The following DNAH2 variants were observed in gnomAD, a reference collection of about 807,000 sequenced individuals.
The protein encoded by DNAH2 is dynein axonemal heavy chain 2, also known as axonemal beta dynein heavy chain 2.
DNAH2 carries 323 observed loss-of-function variants against 523.5 expected under a neutral mutation model. That is an observed-to-expected ratio of 0.62 (90% CI 0.56 to 0.68). The LOEUF (loss-of-function observed/expected upper bound fraction) is 0.68, where lower values mean the gene tolerates loss of function less well. Ranked by LOEUF, DNAH2 falls within the 30% of genes least tolerant of loss-of-function variation. The probability of loss-of-function intolerance (pLI) is 0.00; values close to 1 mark genes in which losing one functional copy is unlikely to be tolerated. For missense variants in DNAH2, 4,907 were observed against 5,701.5 expected (o/e 0.86, Z 4.49); for synonymous variants, 2,093 against 2,177.4 (o/e 0.96, Z 1.08).
At chr17:7,744,634 A>C (rs911792498) in intron 12 of DNAH2, among the ~76,000 whole-genome samples, 16 of 152,176 alleles carry the variant, frequency 1.1e-4, no homozygotes, top group African/African-American at 3.9e-4. Context: ...AAAGGCTTCG[A>C]GTAGTGAGAG....
In DNAH2 at chr17:7,768,217, G is replaced by A; in HGVS notation, c.3891G>A (p.Lys1297=). The A allele has an allele frequency of 6.2e-7, 1 of 1,614,178 alleles. No homozygotes were observed. Among genetic ancestry groups the A allele is most frequent in the Non-Finnish European group, 8.5e-7 (1 of 1,180,034 alleles). ...CTCGCTCAAAAATAGAGCAGTTCAA[G>A]AGGACCATGCCTCTCATCTCAGACC... The part of the protein sequence containing the change: ...ETTRSKIEQF[K]RTMPLISDLR... The change falls in exon 24 of 86, where the codon AAG becomes AAA. Residue 1297 remains lysine (K), a synonymous_variant. Transcript: ENST00000572933.
chr17:7,778,158 G>A lies in DNAH2; in HGVS notation c.5329G>A (p.Val1777Ile), dbSNP rs577925267. The change falls in exon 34 of 86, where the codon GTC becomes ATC. Residue 1777 changes from valine to isoleucine, a missense_variant. Coordinates refer to ENST00000572933, the MANE Select transcript of DNAH2 (RefSeq NM_020877.5). Reference sequence around the variant, plus strand: ...GTACTTGGGTAACTCGGGCCGGCTCGTCATCACCCCCCTGACGGACAGGTC... The same window carrying A: ...GTACTTGGGTAACTCGGGCCGGCTCATCATCACCCCCCTGACGGACAGGTC... ...YEYLGNSGRL[V>I]ITPLTDRCYM... 5 of 1,614,160 alleles carry A rather than the reference G, an allele frequency of 3.1e-6. No individual in the cohort carries two copies. The South Asian group carries it at 3.3e-5, about 11-fold the overall frequency.
Position 7,781,060 on chromosome 17 carries a change from A to T in DNAH2, c.6022A>T (p.Arg2008Ter). 6.2e-7 allele frequency: 1 copy of T among 1,614,182 alleles called. No homozygotes were observed. Among genetic ancestry groups the T allele is most frequent in the Non-Finnish European group, 8.5e-7 (1 of 1,180,038 alleles). ...CATTCAGGTTCTGCTGCTCTCAATG[A>T]GAGATATGAACATCGCCAAGCTCAC... ...TDEEVLLLSMRDMNIAKLTSV... is the reference protein window; with the variant it reads ...TDEEVLLLSM The change falls in exon 39 of 86, where the codon AGA becomes TGA. Residue 2008 changes from arginine (R) to a stop codon, truncating the protein, a stop_gained. Coordinates refer to ENST00000572933, the MANE Select transcript of DNAH2 (RefSeq NM_020877.5). LOFTEE classifies it high-confidence loss of function.
intron 49 of DNAH2, among the ~76,000 whole-genome samples, chr17:7,795,277 T>C (rs1261072961): frequency 6.6e-6 from 1 of 152,174 alleles, no homozygotes; most frequent in Non-Finnish European, 1.5e-5. Context: ...TAAGCCATAT[T>C]GGAGCCTAAG....
At chr17:7,727,332 G>C in intron 4 of DNAH2, 40 bp downstream of exon 4, 1 of 1,572,054 alleles carries the variant, frequency 6.4e-7, no homozygotes, top group Non-Finnish European at 8.6e-7. Flanking sequence ...TGGTCCTACA[G>C]AGAGCCGAGG....
chr17:7,800,846 G>A (rs1273774071), intron 56 of DNAH2, among the ~76,000 whole-genome samples: 5 of 146,650 alleles, frequency 3.4e-5, no homozygotes, highest in African/African-American at 5.0e-5. Flanking sequence ...CAGCCTGGGC[G>A]AGAGTGAAAG....
chr17:7,763,391 C>A (rs142494794), intron 18 of DNAH2, among the ~76,000 whole-genome samples: 2 of 152,150 alleles, frequency 1.3e-5, no homozygotes, highest in East Asian at 3.9e-4. Flanking sequence ...CGTGATCTGC[C>A]GGCCTCGGCC....
Position 7,764,255 on chromosome 17 carries a change from G to A in DNAH2, c.3318G>A (p.Glu1106=). ...HEQFAILEKY[E]VPVEDSVLEM... ...AATTTGCCATTCTTGAAAAGTACGAGGTGCCAGTCGAGGACAGTGTGAGTT... is the reference window on the plus strand; with the variant it reads ...AATTTGCCATTCTTGAAAAGTACGAAGTGCCAGTCGAGGACAGTGTGAGTT... The change falls in exon 20 of 86, where the codon GAG becomes GAA. Residue 1106 remains glutamate, a synonymous_variant. Transcript: ENST00000572933. 1 of 1,609,496 alleles carries A rather than the reference G, an allele frequency of 6.2e-7. No homozygotes were observed.
In DNAH2 at chr17:7,738,711, A is replaced by G. The variant is rs539023583; in HGVS notation, c.1171-1022A>G. ...TCCTCCTATCTTGACCCCATCGTCT[A>G]AAATTCTATTATGTATGAATCTGCT... On this transcript the variant is annotated intron_variant, in intron 8 of 85. Transcript: ENST00000572933. Among the ~76,000 whole-genome samples the G allele has an allele frequency of 2.0e-5, 3 of 152,160 alleles. 1 individual carries two copies. Among genetic ancestry groups the G allele is most frequent in the African/African-American group, 7.2e-5 (3 of 41,506 alleles).
intron 5 of DNAH2, 131 bp downstream of exon 5, chr17:7,733,446 G>C (rs979367070): frequency 1.4e-4 from 93 of 670,718 alleles, no homozygotes; most frequent in Non-Finnish European, 2.1e-4. Flanking sequence ...CGAATTGGTA[G>C]AATAGGGTAC....
rs1053227732 is a variant in DNAH2 at position 7,804,379 on chromosome 17, G to A, written c.9096G>A (p.Lys3032=). Residue 3032 remains lysine, a synonymous_variant, in exon 59 of 86, where the codon AAG becomes AAA. Coordinates refer to ENST00000572933, the MANE Select transcript of DNAH2 (RefSeq NM_020877.5). Reference sequence around the variant, plus strand: ...TGTCGTTGGAGCTGGAGGATGCCAAGAAGAAGGTGGCTGAGTTCCAGAAGC... The same window carrying A: ...TGTCGTTGGAGCTGGAGGATGCCAAAAAGAAGGTGGCTGAGTTCCAGAAGC... ...QVMSLELEDA[K]KKVAEFQKQC... is the part of the protein sequence containing the mutation. 1 of 1,614,208 alleles carries A rather than the reference G, an allele frequency of 6.2e-7. No homozygotes were observed. The highest frequency in any genetic ancestry group is 8.5e-7 in the Non-Finnish European group (1 of 1,180,036).
chr17:7,792,325 G>C lies in DNAH2; in HGVS notation c.7127G>C (p.Ser2376Thr). 6.2e-7 allele frequency: 1 copy of C among 1,614,090 alleles called. No homozygotes were observed. The highest frequency in any genetic ancestry group is 8.5e-7 in the Non-Finnish European group (1 of 1,180,012). The stretch of plus-strand genomic sequence containing the variant: ...TCATTTGAGGACAAGCTCCCTAAGA[G>C]TTGGCGCTACCCTCCAAAGTAAGAG... ...WTSFEDKLPK[S>T]WRYPPNAPFY... is the part of the protein sequence containing the mutation. The change falls in exon 46 of 86, where the codon AGT becomes ACT. Residue 2376 changes from serine (S) to threonine (T), a missense_variant. This residue lies in a region of DNAH2 where 2,806 missense variants were observed against 3,190.8 expected (regional missense o/e 0.88). Transcript: ENST00000572933.
At chr17:7,792,189 G>A (rs755897869) in intron 45 of DNAH2, 63 bp from the exon 46 acceptor site, 35 of 1,601,434 alleles carry the variant, frequency 2.2e-5, no homozygotes, top group East Asian at 4.5e-5. Context: ...TCTGGGGCCC[G>A]TTCTCTGGGC....
intron 74 of DNAH2, 88 bp downstream of exon 74, chr17:7,823,716 T>C: frequency 6.3e-7 from 1 of 1,578,526 alleles, no homozygotes; most frequent in Non-Finnish European, 8.6e-7. Flanking sequence ...CCATCCCCTC[T>C]CCCAGCTGGT....
chr17:7,762,550 G>T (rs1205841984), intron 18 of DNAH2, among the ~76,000 whole-genome samples: 1 of 151,974 alleles, frequency 6.6e-6, no homozygotes, highest in Non-Finnish European at 1.5e-5. Context: ...TAGCCAGGAT[G>T]GTCTCAATCT....
chr17:7,741,000 C>T lies in DNAH2; in HGVS notation c.1689+8C>T. ...ATCGACAGAGTCATGACCGTAAGTG[C>T]CTGGCCTTCTCCATATTCTGTCGTC... On this transcript the variant is annotated splice_region_variant and intron_variant, in intron 11 of 85. Coordinates refer to ENST00000572933, the MANE Select transcript of DNAH2 (RefSeq NM_020877.5). 6.3e-7 allele frequency: 1 copy of T among 1,590,784 alleles called. No homozygotes were observed. The highest frequency in any genetic ancestry group is 8.6e-7 in the Non-Finnish European group (1 of 1,162,730).
At chr17:7,787,794 G>C (rs2076781719) in intron 42 of DNAH2, 66 bp from the exon 43 acceptor site, 1 of 1,500,836 alleles carries the variant, frequency 6.7e-7, no homozygotes, top group Non-Finnish European at 9.0e-7. Flanking sequence ...AGTTCCGGGT[G>C]TTTTATTATT....
At chr17:7,813,496 T>C (rs2077576803) in intron 63 of DNAH2, among the ~76,000 whole-genome samples, 2 of 152,142 alleles carry the variant, frequency 1.3e-5, no homozygotes, top group African/African-American at 4.8e-5. Context: ...CAGTCTCACA[T>C]AAGAGTATTT....
At chr17:7,749,921 C>A (rs2075637749) in intron 12 of DNAH2, among the ~76,000 whole-genome samples, 1 of 152,014 alleles carries the variant, frequency 6.6e-6, no homozygotes. Context: ...CGCTTGAACC[C>A]GGGAGGCAGA....
Sources: gnomAD v4.1 joint callset for allele counts (sites outside exome capture counted in the v4.1 genomes callset) on GRCh38, gnomAD v4.1.1 for gene constraint, gnomAD v4.1.1 regional missense constraint, MANE v1.5 for transcripts, NCBI Gene and HGNC (gene_info 2026-07-23, HGNC 2026-07-21) for gene names.